Variants in PKLR observed in about 807,000 individuals in gnomAD.
PKLR encodes the protein pyruvate kinase PKLR.
In PKLR, 38 loss-of-function variants were observed where a neutral mutation model predicts 53.6. That is an observed-to-expected ratio of 0.71 (90% confidence interval 0.55 to 0.93). The LOEUF (loss-of-function observed/expected upper bound fraction) is 0.93, where lower values mean the gene tolerates loss of function less well. Ranked by LOEUF, PKLR falls within the 40% of genes least tolerant of loss-of-function variation. The pLI is 0.00. For missense variants in PKLR, 702 were observed against 787.3 expected (o/e 0.89, Z 1.30); for synonymous variants, 328 against 316.2 (o/e 1.04, Z -0.39).
upstream of PKLR, among the ~76,000 whole-genome samples, chr1:155,303,931 G>T (rs1648160873): frequency 6.6e-6 from 1 of 152,258 alleles, no homozygotes; most frequent in African/African-American, 2.4e-5. Context: ...CGGGGCGGGG[G>T]CAGAAATAAT....
upstream of PKLR, chr1:155,301,507 G>T: frequency 1.1e-5 from 16 of 1,414,144 alleles, no homozygotes; most frequent in Non-Finnish European, 1.6e-5. Flanking sequence ...ACACCCAGTA[G>T]GCCACCCTGT....
At chr1:155,299,000 T>C (rs1647789767) in intron 2 of PKLR, among the ~76,000 whole-genome samples, 1 of 100,612 alleles carries the variant, frequency 9.9e-6, no homozygotes, top group African/African-American at 5.3e-5. Flanking sequence ...CTTTCTTTCT[T>C]TCTTTCTTTC....
upstream of PKLR, among the ~76,000 whole-genome samples, chr1:155,302,674 G>T (rs1380535933): frequency 6.6e-6 from 1 of 151,046 alleles, no homozygotes; most frequent in East Asian, 1.9e-4. Flanking sequence ...GCCCAGCCTT[G>T]TTTTCTTTCT....
At position 155,294,630 on chromosome 1, in the gene PKLR, G is replaced by A. The variant is rs747753310; in HGVS notation, c.817C>T (p.Arg273Cys). 1 of 1,614,192 alleles carries A rather than the reference G, an allele frequency of 6.2e-7. No homozygotes were observed. Among genetic ancestry groups the A allele is most frequent in the Admixed American group, 1.7e-5 (1 of 60,034 alleles). ...GLSEQDVRDL[R>C]FGVEHGVDIV... Reference sequence around the variant, plus strand: ...TCCACCCCATGCTCCACCCCGAAGCGCAGGTCTCGGACGTCCTGCTCGGAC... The same window carrying A: ...TCCACCCCATGCTCCACCCCGAAGCACAGGTCTCGGACGTCCTGCTCGGAC... Residue 273 changes from arginine (R) to cysteine (C), a missense_variant, in exon 6 of 11, where the codon CGC becomes TGC. Arg to Cys is a radical substitution (Grantham distance 180). Transcript: ENST00000342741.
In PKLR at chr1:155,296,529, G is replaced by C. The variant is rs1647605990; in HGVS notation, c.284-773C>G. ...GGCTAATTTTTTTGTATTTTTAGTA[G>C]AGAAGGGGTTTCACCATGCTGGCCA... is the stretch of plus-strand genomic sequence containing the variant. On this transcript the variant is annotated intron_variant, in intron 2 of 10. Transcript: ENST00000342741. Among the ~76,000 whole-genome samples the C allele has an allele frequency of 2.0e-5, 3 of 151,864 alleles. No homozygotes were observed. The South Asian group carries it at 6.3e-4, about 32-fold the overall frequency.
At position 155,294,719 on chromosome 1, in the gene PKLR, C is replaced by T. The variant is rs1208131291; in HGVS notation, c.728G>A (p.Gly243Asp). The T allele has an allele frequency of 6.2e-7, 1 of 1,614,000 alleles. No homozygotes were observed. The highest frequency in any genetic ancestry group is 1.3e-5 in the African/African-American group (1 of 75,070). Residue 243 changes from glycine to aspartate, a missense_variant, in exon 6 of 11, where the codon GGC (glycine) becomes GAC (aspartate). Physicochemically the swap from Gly to Asp is moderately conservative, Grantham distance 94. This residue lies in a region of PKLR where 519 missense variants were observed against 537.1 expected (regional missense o/e 0.97). Coordinates refer to ENST00000342741, the MANE Select transcript of PKLR (RefSeq NM_000298.6). The stretch of plus-strand genomic sequence containing the variant: ...GCCCTTCCGGCTGCCCAGGACGCCG[C>T]CGTTCTCCACTTGGGTCACCAGTCC... The part of the protein sequence containing the change: ...PEGLVTQVEN[G>D]GVLGSRKGVN...
At position 155,293,998 on chromosome 1, in the gene PKLR, C is replaced by T. The variant is rs967647606; in HGVS notation, c.1116+237G>A. ...AAATACAAAAAGTAGCCTGGCATGG[C>T]GGCGGTCACCTGTAATCCCCACTAC... On this transcript the variant is annotated intron_variant, in intron 7 of 10. Coordinates refer to ENST00000342741, the MANE Select transcript of PKLR (RefSeq NM_000298.6). This position sits in a 1 kb window ranked among gnomAD's most constrained non-coding sequence, Gnocchi z 4.2. Among the ~76,000 whole-genome samples the T allele has an allele frequency of 1.3e-5, 2 of 152,082 alleles. No homozygotes were observed. The highest frequency in any genetic ancestry group is 3.9e-4 in the East Asian group (2 of 5,178).
chr1:155,294,751 G>T lies in PKLR; in HGVS notation c.696C>A (p.Gly232=). Residue 232 remains glycine (G), a splice_region_variant and synonymous_variant, in exon 6 of 11, where the codon GGC becomes GGA. Transcript: ENST00000342741. ...CCACTTGGGTCACCAGTCCCTCTGG[G>T]CCTGCGGACATGGAAAGAGCCAGCT... The part of the protein sequence containing the change: ...GLISLVVQKI[G]PEGLVTQVEN... The T allele has an allele frequency of 6.2e-7, 1 of 1,613,910 alleles. No homozygotes were observed. The highest frequency in any genetic ancestry group is 1.1e-5 in the South Asian group (1 of 91,068).
In PKLR at chr1:155,295,745, G is replaced by A. The variant is rs148636159; in HGVS notation, c.295C>T (p.Arg99Cys). 1.2e-5 allele frequency: 19 copies of A among 1,613,654 alleles called. No homozygotes were observed. The highest frequency in any genetic ancestry group is 1.3e-5 in the African/African-American group (1 of 74,908). The part of the protein sequence containing the change: ...SIIATIGPAS[R>C]SVERLKEMIK... ...ATCTCCTTGAGGCGCTCCACGGAGC[G>A]AGATGCTGGCCCTAGAACCAGAGAT... is the stretch of plus-strand genomic sequence containing the variant. The change falls in exon 3 of 11, where the codon CGC (arginine) becomes TGC (cysteine). Residue 99 changes from arginine to cysteine, a missense_variant. Physicochemically the swap from Arg to Cys is radical, Grantham distance 180 (BLOSUM62 -3). Around this residue, in one of 2 missense-constraint regions of PKLR, gnomAD observed 519 missense variants for 537.1 expected, o/e 0.97. Coordinates refer to ENST00000342741, the MANE Select transcript of PKLR (RefSeq NM_000298.6). The surrounding 1 kb of genome is among the most constrained non-coding windows in gnomAD (Gnocchi z 4.3).
intron 2 of PKLR, among the ~76,000 whole-genome samples, chr1:155,299,032 T>TTCTTTCTC (rs1647814469): frequency 1.9e-5 from 1 of 51,402 alleles, no homozygotes; most frequent in African/African-American, 1.7e-4. Flanking sequence ...CTTTCTTTCT[T>TTCTTTCTC]TCTCTTTCTT....
chr1:155,292,238 T>TTAGAAAAAA (rs1647253627), intron 9 of PKLR, among the ~76,000 whole-genome samples: 1 of 66,810 alleles, frequency 1.5e-5, no homozygotes, highest in African/African-American at 1.1e-4. Context: ...ATCTCTGCAT[T>TTAGAAAAAA]AAGAAAAAAA....
Position 155,293,849 on chromosome 1 carries a change from TG to T in PKLR, c.1117-260del, listed in dbSNP as rs1647374037. The stretch of plus-strand genomic sequence containing the variant: ...CCAAATGTGCTATAAACCTACAGTG[TG>T]GGCTGGGTGCAGTGGCTCACACCTG... On this transcript the variant is annotated intron_variant, in intron 7 of 10. Transcript: ENST00000342741. The surrounding 1 kb of genome is among the most constrained non-coding windows in gnomAD (Gnocchi z 4.2). 6.6e-6 allele frequency among the ~76,000 whole-genome samples: 1 copy of T among 152,118 alleles called. No individual in the cohort carries two copies. Among genetic ancestry groups the T allele is most frequent in the Admixed American group, 6.5e-5 (1 of 15,268 alleles).
upstream of PKLR, among the ~76,000 whole-genome samples, chr1:155,303,274 T>G (rs1242873556): frequency 2.0e-5 from 3 of 152,210 alleles, no homozygotes; most frequent in East Asian, 1.9e-4. Flanking sequence ...GATGCCACTT[T>G]TGGTGTGACA....
intron 2 of PKLR, among the ~76,000 whole-genome samples, chr1:155,299,541 C>CTTTTT (rs1647866437): frequency 1.0e-5 from 1 of 96,970 alleles, no homozygotes; most frequent in African/African-American, 4.3e-5. Flanking sequence ...AGTTTTTCTC[C>CTTTTT]TGTTGCCCAG....
rs772860949 is a variant in PKLR at position 155,294,639 on chromosome 1, G to A, written c.808C>T (p.Arg270Ter). The change falls in exon 6 of 11, where the codon CGA becomes TGA. Residue 270 changes from arginine (R) to a stop codon, truncating the protein, a stop_gained. Coordinates refer to ENST00000342741, the MANE Select transcript of PKLR (RefSeq NM_000298.6). LOFTEE classifies it high-confidence loss of function. The part of the protein sequence containing the change: ...DLPGLSEQDV[R>*]DLRFGVEHGV... ...TGCTCCACCCCGAAGCGCAGGTCTC[G>A]GACGTCCTGCTCGGACAGCCCGGGC... is the stretch of plus-strand genomic sequence containing the variant. The A allele has an allele frequency of 1.2e-6, 2 of 1,614,180 alleles. No individual in the cohort carries two copies. Among genetic ancestry groups the A allele is most frequent in the Non-Finnish European group, 8.5e-7 (1 of 1,180,048 alleles).
At chr1:155,297,775 C>A (rs1261879504) in intron 2 of PKLR, among the ~76,000 whole-genome samples, 1 of 152,174 alleles carries the variant, frequency 6.6e-6, no homozygotes, top group Non-Finnish European at 1.5e-5. Context: ...TCATGTCTGC[C>A]GCTCTTCCCC....
At chr1:155,292,130 G>A (rs1408403186) in intron 9 of PKLR, among the ~76,000 whole-genome samples, 193 bp from the exon 10 acceptor site, 2 of 151,958 alleles carry the variant, frequency 1.3e-5, no homozygotes, top group Admixed American at 6.6e-5. Context: ...CGGGAGCGGT[G>A]GCTCATGCCT....
chr1:155,308,055 C>CTTTTT, the PKLR span, among the ~76,000 whole-genome samples: 38 of 123,794 alleles, frequency 3.1e-4, no homozygotes, highest in Admixed American at 2.5e-4. Flanking sequence ...TGAGACTCAT[C>CTTTTT]TTTTTTTTTT....
At chr1:155,299,030 CTTT>C (rs1557963418) in intron 2 of PKLR, among the ~76,000 whole-genome samples, 6,228 of 84,662 alleles carry the variant, frequency 0.074, 559 homozygotes, top group East Asian at 0.21. Context: ...TTCTTTCTTT[CTTT>C]CTCTTTCTTT....
Sources: gnomAD v4.1 joint callset for allele counts (sites outside exome capture counted in the v4.1 genomes callset) on GRCh38, gnomAD v4.1.1 for gene constraint, gnomAD v4.1.1 regional missense constraint, Gnocchi (gnomAD v3.1) non-coding constraint, MANE v1.5 for transcripts, NCBI Gene and HGNC (gene_info 2026-07-23, HGNC 2026-07-21) for gene names.